Variants in SPHK2 observed in about 807,000 individuals in gnomAD.
SPHK2 encodes sphingosine kinase 2.
SPHK2 carries 18 observed loss-of-function variants against 32.3 expected under a neutral mutation model. That is an observed-to-expected ratio of 0.56 (90% CI 0.39 to 0.83). SPHK2 has a LOEUF of 0.83. Ranked by LOEUF, SPHK2 falls within the 40% of genes least tolerant of loss-of-function variation. The pLI, the probability that SPHK2 is intolerant of heterozygous loss-of-function variation, is 0.00. For synonymous variants in SPHK2, 462 were observed against 417.6 expected (o/e 1.11, Z -1.30); for missense variants, 850 against 908.7 (o/e 0.94, Z 0.83).
Position 48,626,267 on chromosome 19 carries a change from G to C in SPHK2, c.416G>C (p.Gly139Ala), listed in dbSNP as rs2147686499. The C allele has an allele frequency of 1.3e-6, 2 of 1,594,534 alleles. No individual in the cohort carries two copies. The highest frequency in any genetic ancestry group is 1.1e-5 in the South Asian group (1 of 90,276). Residue 139 changes from glycine to alanine, a missense_variant, in exon 3 of 7, where the codon GGG (glycine) becomes GCG (alanine). Gly to Ala is a moderately conservative substitution (Grantham distance 60, BLOSUM62 0). Around this residue, in one of 2 missense-constraint regions of SPHK2, gnomAD observed 544 missense variants for 640.0 expected, o/e 0.85. Coordinates refer to ENST00000245222, the MANE Select transcript of SPHK2 (RefSeq NM_020126.5). ...GCCACTCGCACCTTCCGGGCAGATG[G>C]GGCCGCCACCTACGAAGAGAACCGT... ...RRATRTFRAD[G>A]AATYEENRAE...
intron 2 of SPHK2, chr19:48,624,869 CG>C (rs1367852010): frequency 2.1e-5 from 18 of 853,320 alleles, no homozygotes; most frequent in Non-Finnish European, 2.1e-5. Context: ...AGTCCACAGG[CG>C]GTGGGGGGTG....
At chr19:48,622,484 G>A (rs1184160335) in intron 2 of SPHK2, among the ~76,000 whole-genome samples, 1 of 152,014 alleles carries the variant, frequency 6.6e-6, no homozygotes, top group Non-Finnish European at 1.5e-5. Context: ...TGAGCTGCAG[G>A]GTCCTTTCTC....
At position 48,620,490 on chromosome 19, in the gene SPHK2, A is replaced by T; in HGVS notation, c.-25A>T. On this transcript the variant is annotated 5_prime_UTR_variant, in exon 2 of 7. An upstream start codon of the reference 5' UTR is lost. Coordinates refer to ENST00000245222, the MANE Select transcript of SPHK2 (RefSeq NM_020126.5). ...AAGACCCAGGGCCAGGGTCCCGTTG[A>T]TGTAACAGAGCAGAGGACCAGCAGA... 1 of 1,611,574 alleles carries T rather than the reference A, an allele frequency of 6.2e-7. No homozygotes were observed. The highest frequency in any genetic ancestry group is 8.5e-7 in the Non-Finnish European group (1 of 1,178,476).
chr19:48,622,279 A>AT (rs1568428633), intron 2 of SPHK2, among the ~76,000 whole-genome samples: 4 of 151,556 alleles, frequency 2.6e-5, no homozygotes, highest in South Asian at 4.2e-4. Context: ...AAAATAAAAA[A>AT]AAATAAAGGA....
At chr19:48,619,764 C>T (rs1036534063) in intron 1 of SPHK2, 3 of 154,036 alleles carry the variant, frequency 1.9e-5, no homozygotes, top group African/African-American at 7.2e-5. Context: ...TCCGCTTCTC[C>T]TTCTCCCCCG....
In SPHK2 at chr19:48,629,149, C is replaced by T. The variant is rs578255889; in HGVS notation, c.1341C>T (p.Asn447=). Residue 447 remains asparagine, a synonymous_variant, in exon 7 of 7, where the codon AAC becomes AAT. Transcript: ENST00000245222. ...SPEPLPILSL[N]GGGPELAGDW... ...AACCCCTGCCCATCCTGTCCCTCAA[C>T]GGTGGGGGCCCAGAGCTGGCTGGGG... 1.3e-5 allele frequency: 21 copies of T among 1,613,410 alleles called. No homozygotes were observed. Among genetic ancestry groups the T allele is most frequent in the Admixed American group, 1.7e-5 (1 of 60,024 alleles).
chr19:48,625,842 CT>C, intron 2 of SPHK2, 48 bp from the exon 3 acceptor site: 1 of 1,588,116 alleles, frequency 6.3e-7, no homozygotes, highest in Non-Finnish European at 8.5e-7. Context: ...CTCCCTGCCC[CT>C]GCCATGGGGT....
Position 48,620,541 on chromosome 19 carries a change from G to C in SPHK2, c.27G>C (p.Glu9Asp). ...TGAATGGACACCTTGAAGCAGAGGA[G>C]CAGCAGGACCAGGTAAGGGACCATC... MNGHLEAE[E>D]QQDQRPDQEL... is the part of the protein sequence containing the mutation. The change falls in exon 2 of 7, where the codon GAG (glutamate) becomes GAC (aspartate). Residue 9 changes from glutamate to aspartate, a missense_variant. Transcript: ENST00000245222. The C allele has an allele frequency of 6.2e-7, 1 of 1,613,018 alleles. No homozygotes were observed. The highest frequency in any genetic ancestry group is 8.5e-7 in the Non-Finnish European group (1 of 1,179,462).
Position 48,628,242 on chromosome 19 carries a change from C to T in SPHK2, c.837C>T (p.Gly279=), listed in dbSNP as rs550024745. 1.9e-6 allele frequency: 3 copies of T among 1,613,602 alleles called. No individual in the cohort carries two copies. In the African/African-American group the frequency reaches 4.0e-5, roughly 22 times the overall value. Reference sequence around the variant, plus strand: ...TGGGCATCCTCCCCTGCGGCTCGGGCAACGCGCTGGCCGGAGCAGTGAACC... The same window carrying T: ...TGGGCATCCTCCCCTGCGGCTCGGGTAACGCGCTGGCCGGAGCAGTGAACC... ...MPVGILPCGS[G]NALAGAVNQH... The change falls in exon 6 of 7, where the codon GGC becomes GGT. Residue 279 remains glycine (G), a synonymous_variant. Coordinates refer to ENST00000245222, the MANE Select transcript of SPHK2 (RefSeq NM_020126.5). The surrounding 1 kb of genome is among the most constrained non-coding windows in gnomAD (Gnocchi z 5.2).
chr19:48,626,542 T>C, intron 3 of SPHK2, 180 bp downstream of exon 3: 1 of 794,216 alleles, frequency 1.3e-6, no homozygotes, highest in South Asian at 2.2e-5. Flanking sequence ...GGACCGGATG[T>C]GGTGGCTCAT....
In SPHK2 at chr19:48,630,192, C is replaced by T. The variant is rs1381729426; in HGVS notation, c.*419C>T. 2.4e-6 allele frequency: 3 copies of T among 1,255,610 alleles called. No individual in the cohort carries two copies. The highest frequency in any genetic ancestry group is 3.0e-6 in the Non-Finnish European group (3 of 999,266). 77.8% of individuals were successfully genotyped at this position (1,255,610 alleles called of 1,614,324 possible). A position where few individuals can be genotyped will look rare whatever the true frequency, so the allele number is the denominator to read the frequency against. ...CCGGTCAGGGCCCGCAGCCTCGCCC[C>T]ATCCACTCCGGTGCCTCCATTTAGC... On this transcript the variant is annotated 3_prime_UTR_variant, in exon 7 of 7. Transcript: ENST00000245222. The surrounding 1 kb of genome is among the most constrained non-coding windows in gnomAD (Gnocchi z 4.9).
In SPHK2 at chr19:48,629,939, G is replaced by A; in HGVS notation, c.*166G>A. On this transcript the variant is annotated 3_prime_UTR_variant, in exon 7 of 7. Transcript: ENST00000245222. ...GGACCAGACGTGATGCTGGAAGGTG[G>A]GCGTCGTCACGGTTAAAGAGAAATG... 7.0e-7 allele frequency: 1 copy of A among 1,418,584 alleles called. No homozygotes were observed. Among genetic ancestry groups the A allele is most frequent in the Non-Finnish European group, 9.2e-7 (1 of 1,089,906 alleles). 87.9% of individuals were successfully genotyped at this position (1,418,584 alleles called of 1,614,324 possible).
At chr19:48,621,543 C>G (rs1456038939) in intron 2 of SPHK2, among the ~76,000 whole-genome samples, 2 of 152,132 alleles carry the variant, frequency 1.3e-5, no homozygotes, top group Non-Finnish European at 2.9e-5. Flanking sequence ...GATTTCAGAC[C>G]TTCTCTCCAG....
intron 3 of SPHK2, among the ~76,000 whole-genome samples, chr19:48,627,095 T>C (rs1368133344): frequency 3.3e-5 from 5 of 152,158 alleles, no homozygotes; most frequent in Non-Finnish European, 7.4e-5. Context: ...GATTGCACCA[T>C]TGCACTCCAT....
chr19:48,627,647 G>A (rs1005948874), intron 3 of SPHK2, 45 bp from the exon 4 acceptor site: 5 of 1,523,268 alleles, frequency 3.3e-6, no homozygotes, highest in Non-Finnish European at 4.4e-6. Flanking sequence ...CCAAGGTGGG[G>A]GGCCTGGGTC....
Position 48,625,920 on chromosome 19 carries a change from G to C in SPHK2, c.69G>C (p.Trp23Cys). 6.2e-7 allele frequency: 1 copy of C among 1,611,842 alleles called. No homozygotes were observed. Among genetic ancestry groups the C allele is most frequent in the Non-Finnish European group, 8.5e-7 (1 of 1,179,432 alleles). The change falls in exon 3 of 7, where the codon TGG becomes TGC. Residue 23 changes from tryptophan (W) to cysteine (C), a missense_variant. Around this residue, in one of 2 missense-constraint regions of SPHK2, gnomAD observed 544 missense variants for 640.0 expected, o/e 0.85. Transcript: ENST00000245222. ...QRPDQELTGSWGHGPRSTLVR... is the reference protein window; with the variant it reads ...QRPDQELTGSCGHGPRSTLVR... ...CAGACCAGGAGCTGACCGGGAGCTG[G>C]GGCCACGGGCCTAGGAGCACCCTGG...
chr19:48,626,442 T>C (rs2029905615), intron 3 of SPHK2, 80 bp downstream of exon 3: 2 of 1,433,472 alleles, frequency 1.4e-6, no homozygotes, highest in East Asian at 5.1e-5. Flanking sequence ...GCTGTGTCTT[T>C]ATTTTTCTGT....
intron 1 of SPHK2, 61 bp from the exon 2 acceptor site, chr19:48,620,341 C>T (rs930834313): frequency 1.8e-6 from 1 of 549,680 alleles, no homozygotes. Flanking sequence ...GCACATTGAG[C>T]CTGGAAGGGC....
At position 48,629,984 on chromosome 19, in the gene SPHK2, G is replaced by T. The variant is rs1379942732; in HGVS notation, c.*211G>T. ...GAAATGGGCTCGTCCCGAGGGTAGT[G>T]CCTGATCAATGAGGGCGGGGCCTGG... On this transcript the variant is annotated 3_prime_UTR_variant, in exon 7 of 7. Transcript: ENST00000245222. 2.9e-6 allele frequency: 4 copies of T among 1,398,760 alleles called. No individual in the cohort carries two copies. The highest frequency in any genetic ancestry group is 3.7e-6 in the Non-Finnish European group (4 of 1,080,722). The allele number at this position is 1,398,760 out of a possible 1,614,324, so 86.6% of individuals were successfully genotyped here.
Sources: allele counts gnomAD v4.1 joint callset (sites outside exome capture counted in the v4.1 genomes callset), GRCh38; gene constraint gnomAD v4.1.1; regional missense constraint gnomAD v4.1.1; non-coding constraint Gnocchi (gnomAD v3.1); transcripts MANE v1.5; gene names NCBI Gene and HGNC (gene_info 2026-07-23, HGNC 2026-07-21).